The following SACS variants were observed in gnomAD, a reference collection of about 807,000 sequenced individuals.
SACS encodes the protein sacsin molecular chaperone.
A neutral mutation model predicts 348.0 loss-of-function variants in SACS; 197 were observed. The ratio of observed to expected loss-of-function variants is 0.57; its 90% CI spans 0.50 to 0.64. The LOEUF (loss-of-function observed/expected upper bound fraction) is 0.64. Ranked by LOEUF, SACS falls within the 30% of genes least tolerant of loss-of-function variation. The probability of loss-of-function intolerance (pLI) is 0.00; values close to 1 mark genes in which losing one functional copy is unlikely to be tolerated. For synonymous variants in SACS, 1,985 were observed against 1,910.6 expected (o/e 1.04, Z -1.02); for missense variants, 4,999 against 5,360.8 (o/e 0.93, Z 2.11).
At chr13:23,408,277 A>AC (rs536687245) in intron 2 of SACS, among the ~76,000 whole-genome samples, 51 of 151,842 alleles carry the variant, frequency 3.4e-4, no homozygotes, top group African/African-American at 1.2e-3. Flanking sequence ...TTTCCTCAGG[A>AC]CCCTTGGGGC....
In SACS at chr13:23,328,852, A is replaced by G. The variant is rs1883298869; in HGVS notation, c.*1284T>C. 1 of 152,638 alleles carries G rather than the reference A, an allele frequency of 6.6e-6. No homozygotes were observed. Among genetic ancestry groups the G allele is most frequent in the African/African-American group, 2.4e-5 (1 of 41,444 alleles). The allele number at this position is 152,638 out of a possible 1,614,324, so 9.5% of individuals were successfully genotyped here. On this transcript the variant is annotated 3_prime_UTR_variant, in exon 10 of 10. Transcript: ENST00000382292. ...TGATTTCATATGTACATTTTCCTTT[A>G]TTAAAAGTATGGCACTTTATATAAC...
intron 1 of SACS, among the ~76,000 whole-genome samples, chr13:23,433,205 C>T (rs1361139919): frequency 6.6e-6 from 1 of 152,152 alleles, no homozygotes; most frequent in East Asian, 1.9e-4. Context: ...CTGGACCCCA[C>T]GCTGTGTTAC....
intron 2 of SACS, chr13:23,375,526 G>C: frequency 9.1e-7 from 1 of 1,093,922 alleles, no homozygotes; most frequent in Non-Finnish European, 1.1e-6. Flanking sequence ...AGAGGAAGCC[G>C]CGGCGGCCGA....
At chr13:23,366,379 A>T (rs1468332840) in intron 5 of SACS, among the ~76,000 whole-genome samples, 1 of 152,198 alleles carries the variant, frequency 6.6e-6, no homozygotes, top group Non-Finnish European at 1.5e-5. Context: ...ATGAACAGCT[A>T]AGTCGTGCCT....
intron 1 of SACS, among the ~76,000 whole-genome samples, chr13:23,420,034 A>G (rs918129824): frequency 6.6e-6 from 1 of 151,800 alleles, no homozygotes; most frequent in Non-Finnish European, 1.5e-5. Flanking sequence ...TTGGGTCCTG[A>G]TGTTCATCTG....
intron 1 of SACS, among the ~76,000 whole-genome samples, chr13:23,429,760 A>C (rs2138025570): frequency 2.0e-5 from 3 of 152,306 alleles, no homozygotes; most frequent in East Asian, 3.9e-4. Flanking sequence ...ATGTGGAGCC[A>C]GGTTCCAAAA....
chr13:23,411,959 C>T lies in SACS; in HGVS notation c.-501-219G>A, dbSNP rs115681764. ...ACCAACAAACGCACATGTGCAGCTA[C>T]AGAAATTAAAAGTACATCGGCCGGG... is the stretch of plus-strand genomic sequence containing the variant. On this transcript the variant is annotated intron_variant, in intron 1 of 9. Coordinates refer to ENST00000382292, the MANE Select transcript of SACS (RefSeq NM_014363.6). 0.01 allele frequency among the ~76,000 whole-genome samples: 1,538 copies of T among 152,262 alleles called. 19 individuals are homozygous for T. Among genetic ancestry groups the T allele is most frequent in the African/African-American group, 0.035 (1,465 of 41,542 alleles).
rs1868480299 is a variant in SACS at position 23,335,405 on chromosome 13, G to A, written c.8471C>T (p.Ser2824Leu). 6.2e-7 allele frequency: 1 copy of A among 1,613,794 alleles called. No homozygotes were observed. The highest frequency in any genetic ancestry group is 8.5e-7 in the Non-Finnish European group (1 of 1,179,890). ...TACTTTCTCCATACTTGAAAAGCCT[G>A]ATCTATTACAAATTAGCCACGTAGT... ...NLTTWLICNRSGFSSMEKVSK... is the reference protein window; with the variant it reads ...NLTTWLICNRLGFSSMEKVSK... Residue 2824 changes from serine to leucine, a missense_variant, in exon 10 of 10, where the codon TCA (serine) becomes TTA (leucine). Ser to Leu is a moderately radical substitution (Grantham distance 145). Transcript: ENST00000382292. The surrounding 1 kb of genome is among the most constrained non-coding windows in gnomAD (Gnocchi z 4.7).
chr13:23,343,711 G>A (rs765101263), intron 9 of SACS, among the ~76,000 whole-genome samples: 1 of 151,970 alleles, frequency 6.6e-6, no homozygotes, highest in Non-Finnish European at 1.5e-5. Flanking sequence ...AAAAGAGCAA[G>A]TTTGGAAAAT....
chr13:23,404,162 C>A (rs1873105970), intron 2 of SACS, among the ~76,000 whole-genome samples: 1 of 152,050 alleles, frequency 6.6e-6, no homozygotes, highest in South Asian at 2.1e-4. Flanking sequence ...GTTTCACTTC[C>A]AATTATGTGG....
In SACS at chr13:23,364,317, C is replaced by G. The variant is rs548086517; in HGVS notation, c.457+849G>C. 1.1e-4 allele frequency among the ~76,000 whole-genome samples: 17 copies of G among 152,328 alleles called. No homozygotes were observed. The South Asian group carries it at 3.1e-3, about 28-fold the overall frequency. On this transcript the variant is annotated intron_variant, in intron 6 of 9. Transcript: ENST00000382292. ...CACATACAGTCATTGACAATGACTT[C>G]AGAGGTATACTAAATTGAAGTGATG...
chr13:23,400,578 A>G lies in SACS; in HGVS notation c.20+10642T>C, dbSNP rs190977635. Among the ~76,000 whole-genome samples the G allele has an allele frequency of 5.3e-5, 8 of 152,052 alleles. No homozygotes were observed. The East Asian group carries it at 1.5e-3, about 29-fold the overall frequency. On this transcript the variant is annotated intron_variant, in intron 2 of 9. Coordinates refer to ENST00000382292, the MANE Select transcript of SACS (RefSeq NM_014363.6). ...TGGGCCTACAGGTGCCCGCCACCAC[A>G]CCCGGCTAATTTTTTGTATTTTTAG...
At chr13:23,384,069 G>T (rs990227782) in intron 2 of SACS, among the ~76,000 whole-genome samples, 1 of 152,222 alleles carries the variant, frequency 6.6e-6, no homozygotes, top group Non-Finnish European at 1.5e-5. Flanking sequence ...GTGGTTAAGT[G>T]CATGAATGGG....
intron 1 of SACS, among the ~76,000 whole-genome samples, chr13:23,413,834 T>C (rs1873595522): frequency 6.6e-6 from 1 of 152,172 alleles, no homozygotes; most frequent in Admixed American, 6.5e-5. Context: ...GAAAACTATA[T>C]ATGTAAATTT....
chr13:23,361,217 A>G (rs2709231), intron 6 of SACS, among the ~76,000 whole-genome samples: 2 of 152,244 alleles, frequency 1.3e-5, no homozygotes, highest in South Asian at 4.1e-4. Context: ...AACCAGGCAG[A>G]GCATACAGAC....
At chr13:23,399,458 G>A (rs1872861174) in intron 2 of SACS, among the ~76,000 whole-genome samples, 2 of 151,996 alleles carry the variant, frequency 1.3e-5, no homozygotes, top group Non-Finnish European at 2.9e-5. Context: ...TCCCGCCTTT[G>A]CCGTGCCCTG....
In SACS at chr13:23,334,256, T is replaced by G; in HGVS notation, c.9620A>C (p.Lys3207Thr). The G allele has an allele frequency of 2.5e-6, 4 of 1,612,642 alleles. No individual in the cohort carries two copies. Among genetic ancestry groups the G allele is most frequent in the Non-Finnish European group, 3.4e-6 (4 of 1,179,256 alleles). The change falls in exon 10 of 10, where the codon AAA (lysine) becomes ACA (threonine). Residue 3207 changes from lysine to threonine, a missense_variant. Physicochemically the swap from Lys to Thr is moderately conservative, Grantham distance 78 (BLOSUM62 -1). Transcript: ENST00000382292. ...SNILLNCKVA[K>T]VFDISSFADL... ...AGCAAAGCTGGAAATGTCAAACACT[T>G]TTGCAACTTTACAGTTCAATAAAAT...
intron 4 of SACS, among the ~76,000 whole-genome samples, chr13:23,369,498 G>C (rs905527471): frequency 2.0e-5 from 3 of 151,656 alleles, no homozygotes; most frequent in Non-Finnish European, 4.4e-5. Flanking sequence ...CACATACTGA[G>C]ACCAAGCTCA....
intron 6 of SACS, among the ~76,000 whole-genome samples, chr13:23,362,085 CAAGTT>C (rs1870770567): frequency 6.6e-6 from 1 of 152,192 alleles, no homozygotes; most frequent in South Asian, 2.1e-4. Context: ...GAAAATGTCA[CAAGTT>C]ATGTTGATTA....
Sources: allele counts gnomAD v4.1 joint callset (sites outside exome capture counted in the v4.1 genomes callset), GRCh38; gene constraint gnomAD v4.1.1; non-coding constraint Gnocchi (gnomAD v3.1); transcripts MANE v1.5; gene names NCBI Gene and HGNC (gene_info 2026-07-23, HGNC 2026-07-21).